ZSWIM5: variants seen among roughly 807,000 people sequenced by gnomAD.
The protein encoded by ZSWIM5 is zinc finger SWIM domain-containing protein 5.
ZSWIM5 carries 55 observed loss-of-function variants against 119.6 expected under a neutral mutation model. That is an observed-to-expected ratio of 0.46 (90% confidence interval 0.37 to 0.58). The LOEUF is 0.58. Among genes scored for constraint, ZSWIM5 ranks in the 20% least tolerant of loss-of-function variants. The pLI is 0.00. For synonymous variants in ZSWIM5, 537 were observed against 606.9 expected (o/e 0.88, Z 1.69); for missense variants, 1,193 against 1,512.8 (o/e 0.79, Z 3.51).
At chr1:45,128,839 T>C (rs1645637454) in intron 1 of ZSWIM5, among the ~76,000 whole-genome samples, 1 of 152,206 alleles carries the variant, frequency 6.6e-6, no homozygotes, top group African/African-American at 2.4e-5. Flanking sequence ...CTTCTTTTTT[T>C]TACTGTCTAA....
intron 7 of ZSWIM5, among the ~76,000 whole-genome samples, chr1:45,039,596 GCTGGTCTTGAACTC>G (rs1283448881): frequency 6.6e-6 from 1 of 152,142 alleles, no homozygotes; most frequent in Non-Finnish European, 1.5e-5. Flanking sequence ...TGTTGGCCAG[GCTGGTCTTGAACTC>G]CTGGCCTCAA....
At chr1:45,123,138 G>C (rs770023913) in intron 1 of ZSWIM5, among the ~76,000 whole-genome samples, 2 of 152,050 alleles carry the variant, frequency 1.3e-5, no homozygotes, top group Non-Finnish European at 1.5e-5. Flanking sequence ...GAGTATCAGA[G>C]GAAACCAGCT....
intron 1 of ZSWIM5, among the ~76,000 whole-genome samples, chr1:45,174,961 C>T (rs1645970908): frequency 6.6e-6 from 1 of 151,642 alleles, no homozygotes; most frequent in South Asian, 2.1e-4. Flanking sequence ...AAATCAATAC[C>T]ATAACATTAT....
intron 11 of ZSWIM5, among the ~76,000 whole-genome samples, chr1:45,032,870 T>C (rs1644961313): frequency 6.6e-6 from 1 of 152,138 alleles, no homozygotes. Context: ...ATGAGAAATC[T>C]GTTCCCATAC....
At chr1:45,026,912 T>C (rs1644923860) in intron 11 of ZSWIM5, among the ~76,000 whole-genome samples, 1 of 152,178 alleles carries the variant, frequency 6.6e-6, no homozygotes, top group Non-Finnish European at 1.5e-5. Context: ...CTATTCAGAT[T>C]ATTTATTTCT....
At chr1:45,089,128 G>A (rs1191126709) in intron 1 of ZSWIM5, among the ~76,000 whole-genome samples, 3 of 151,998 alleles carry the variant, frequency 2.0e-5, no homozygotes, top group Admixed American at 6.6e-5. Flanking sequence ...AATGAAAAAC[G>A]AGCCAGGCAC....
At chr1:45,070,054 C>G (rs909562781) in intron 2 of ZSWIM5, 1 of 853,422 alleles carries the variant, frequency 1.2e-6, no homozygotes, top group Non-Finnish European at 2.1e-6. Context: ...AAGACACACA[C>G]GAATCCAATG....
rs145890193 is a variant in ZSWIM5 at position 45,176,511 on chromosome 1, C to T, written c.595+29245G>A. Among the ~76,000 whole-genome samples, 1,183 of 152,178 alleles carry T rather than the reference C, an allele frequency of 7.8e-3. 14 individuals are homozygous for T. Among genetic ancestry groups the T allele is most frequent in the Non-Finnish European group, 0.011 (728 of 67,982 alleles). ...AACTCATGACCTCAGGTGATCCACC[C>T]GCCTTGGCCTCCCAAAGTGTTGGGA... On this transcript the variant is annotated intron_variant, in intron 1 of 13. Transcript: ENST00000359600.
rs1476881558 is a variant in ZSWIM5 at position 45,034,407 on chromosome 1, G to C, written c.2354C>G (p.Ser785Cys). ...GDTSHPHHMV[S>C]VVPSRYPRWF... ...GCGAGGATAACGGCTGGGCACCACAGACACCATATGGTGAGGGTGGGATGT... is the reference window on the plus strand; with the variant it reads ...GCGAGGATAACGGCTGGGCACCACACACACCATATGGTGAGGGTGGGATGT... The change falls in exon 11 of 14, where the codon TCT becomes TGT. Residue 785 changes from serine to cysteine, a missense_variant. Ser to Cys is a moderately radical substitution (Grantham distance 112). This residue lies in a region of ZSWIM5 where 961 missense variants were observed against 1,290.0 expected (regional missense o/e 0.74). Transcript: ENST00000359600. The C allele has an allele frequency of 6.2e-7, 1 of 1,614,026 alleles. No individual in the cohort carries two copies. Among genetic ancestry groups the C allele is most frequent in the Admixed American group, 1.7e-5 (1 of 59,996 alleles).
chr1:45,205,731 C>T, intron 1 of ZSWIM5, 25 bp downstream of exon 1: 1 of 1,535,604 alleles, frequency 6.5e-7, no homozygotes, highest in Non-Finnish European at 8.7e-7. Context: ...GCTGAGGACC[C>T]GAGAACGCCT....
chr1:45,069,128 A>G (rs951831917), intron 2 of ZSWIM5, among the ~76,000 whole-genome samples: 1 of 151,848 alleles, frequency 6.6e-6, no homozygotes, highest in Non-Finnish European at 1.5e-5. Flanking sequence ...TTTTCACTTT[A>G]GAAATTCATG....
chr1:45,161,047 C>G (rs554403531), intron 1 of ZSWIM5, among the ~76,000 whole-genome samples: 1 of 148,572 alleles, frequency 6.7e-6, no homozygotes, highest in East Asian at 2.0e-4. Flanking sequence ...GGCTGGTCAA[C>G]CCCTGACCTC....
intron 4 of ZSWIM5, among the ~76,000 whole-genome samples, chr1:45,053,117 C>T (rs1645099417): frequency 8.7e-6 from 1 of 114,828 alleles, no homozygotes; most frequent in African/African-American, 3.4e-5. Flanking sequence ...GAGTGAAACT[C>T]CGTCTCAAAC....
chr1:45,124,999 C>A (rs1054979383), intron 1 of ZSWIM5, among the ~76,000 whole-genome samples: 2 of 152,150 alleles, frequency 1.3e-5, no homozygotes, highest in Non-Finnish European at 2.9e-5. Flanking sequence ...CAGTTAATAC[C>A]TCTCTCAGCA....
intron 1 of ZSWIM5, among the ~76,000 whole-genome samples, chr1:45,134,548 C>T (rs1313331995): frequency 6.6e-6 from 1 of 152,148 alleles, no homozygotes; most frequent in Non-Finnish European, 1.5e-5. Flanking sequence ...CTTCAAAGGA[C>T]AGGAAGCTGT....
At chr1:45,181,275 T>C (rs1646017064) in intron 1 of ZSWIM5, among the ~76,000 whole-genome samples, 1 of 151,832 alleles carries the variant, frequency 6.6e-6, no homozygotes. Flanking sequence ...GCTCAAGAAC[T>C]ACGTGAAGAA....
Position 45,060,259 on chromosome 1 carries a change from G to A in ZSWIM5, c.953-12C>T. The A allele has an allele frequency of 1.2e-6, 2 of 1,612,180 alleles. No homozygotes were observed. The highest frequency in any genetic ancestry group is 2.2e-5 in the East Asian group (1 of 44,842). The stretch of plus-strand genomic sequence containing the variant: ...GGGGTCAGGGGCACCTATGAAGAAT[G>A]AGAACAGTGAAATGAATCACCTGAG... On this transcript the variant is annotated splice_polypyrimidine_tract_variant and intron_variant, in intron 2 of 13. Coordinates refer to ENST00000359600, the MANE Select transcript of ZSWIM5 (RefSeq NM_020883.2).
intron 1 of ZSWIM5, among the ~76,000 whole-genome samples, chr1:45,092,812 T>C (rs915012613): frequency 3.9e-5 from 6 of 152,244 alleles, no homozygotes; most frequent in African/African-American, 1.4e-4. Context: ...CTAAGGTTTC[T>C]CTGATAAAGA....
chr1:45,158,044 A>T (rs1188557303), intron 1 of ZSWIM5, among the ~76,000 whole-genome samples: 2 of 152,172 alleles, frequency 1.3e-5, no homozygotes. Flanking sequence ...AGCATTCTTT[A>T]GCTATCTTAA....
Sources: gnomAD v4.1 joint callset for allele counts (sites outside exome capture counted in the v4.1 genomes callset) on GRCh38, gnomAD v4.1.1 for gene constraint, gnomAD v4.1.1 regional missense constraint, MANE v1.5 for transcripts, NCBI Gene and HGNC (gene_info 2026-07-23, HGNC 2026-07-21) for gene names.